Variants in NRXN3 observed in about 807,000 individuals in gnomAD.
NRXN3 encodes the protein neurexin III.
NRXN3 carries 32 observed loss-of-function variants against 137.6 expected under a neutral mutation model. The ratio of observed to expected loss-of-function variants is 0.23; its 90% confidence interval spans 0.18 to 0.31. The LOEUF (loss-of-function observed/expected upper bound fraction) is 0.31, where lower values mean the gene tolerates loss of function less well. NRXN3 is among the 10% of genes least tolerant of loss of function. NRXN3 has a pLI of 1.00. For synonymous variants in NRXN3, 798 were observed against 784.5 expected, an observed-to-expected ratio of 1.02 and a Z score of -0.29; for missense variants, 1,574 against 2,062.5, an observed-to-expected ratio of 0.76 and a Z score of 4.59.
At chr14:79,343,883 C>T (rs1196967363) in intron 15 of NRXN3, among the ~76,000 whole-genome samples, 1 of 152,110 alleles carries the variant, frequency 6.6e-6, no homozygotes, top group East Asian at 1.9e-4. Context: ...AAGCAATCCT[C>T]CTGCCTCGGC....
intron 4 of NRXN3, among the ~76,000 whole-genome samples, chr14:78,433,570 G>T (rs1347746209): frequency 1.3e-5 from 2 of 152,134 alleles, no homozygotes; most frequent in Non-Finnish European, 1.5e-5. Context: ...GAATGGATTT[G>T]TGTCATTATC....
intron 10 of NRXN3, among the ~76,000 whole-genome samples, chr14:78,897,586 A>G (rs1457863478): frequency 6.6e-6 from 1 of 151,882 alleles, no homozygotes; most frequent in Non-Finnish European, 1.5e-5. Flanking sequence ...CAGGATCTTG[A>G]TGGACTCTGG....
intron 15 of NRXN3, among the ~76,000 whole-genome samples, chr14:79,094,422 G>A (rs2049846889): frequency 6.6e-6 from 1 of 152,142 alleles, no homozygotes; most frequent in South Asian, 2.1e-4. Flanking sequence ...CATTTTTAAA[G>A]CAACCCTTTG....
At chr14:78,540,990 G>A (rs1362278376) in intron 4 of NRXN3, among the ~76,000 whole-genome samples, 1 of 152,202 alleles carries the variant, frequency 6.6e-6, no homozygotes, top group Non-Finnish European at 1.5e-5. Context: ...GAGATCTGCT[G>A]TTACTCTCAT....
chr14:79,031,131 C>A (rs1460005297), intron 15 of NRXN3, among the ~76,000 whole-genome samples: 1 of 152,050 alleles, frequency 6.6e-6, no homozygotes, highest in Admixed American at 6.6e-5. Flanking sequence ...GTAATGGAAA[C>A]CTTTTACTTC....
intron 4 of NRXN3, among the ~76,000 whole-genome samples, chr14:78,561,212 T>C (rs1197011979): frequency 1.3e-5 from 2 of 152,138 alleles, no homozygotes; most frequent in Non-Finnish European, 2.9e-5. Context: ...AGAAATAAAT[T>C]GTCTCTTAAA....
intron 16 of NRXN3, among the ~76,000 whole-genome samples, chr14:79,551,722 G>A (rs994889215): frequency 3.2e-4 from 49 of 152,268 alleles, no homozygotes; most frequent in Admixed American, 2.9e-3. Flanking sequence ...ACTGAAATGC[G>A]CAGAGGGGAG....
At chr14:78,552,816 A>G (rs1743782955) in intron 4 of NRXN3, among the ~76,000 whole-genome samples, 1 of 152,222 alleles carries the variant, frequency 6.6e-6, no homozygotes, top group Non-Finnish European at 1.5e-5. Context: ...AGCCTATAAT[A>G]ATCTATTGTA....
At chr14:79,860,129 T>C (rs182415628) in intron 20 of NRXN3, among the ~76,000 whole-genome samples, 23 of 152,318 alleles carry the variant, frequency 1.5e-4, no homozygotes, top group Non-Finnish European at 2.5e-4. Context: ...CAACTTAGTC[T>C]GTATGATTCT....
intron 1 of NRXN3, among the ~76,000 whole-genome samples, chr14:78,189,336 C>G (rs1349013117): frequency 6.6e-6 from 1 of 152,150 alleles, no homozygotes; most frequent in Non-Finnish European, 1.5e-5. Context: ...ATAAGTAGGT[C>G]AGATCATGTT....
chr14:78,918,763 CTA>C (rs1432660747), intron 10 of NRXN3, among the ~76,000 whole-genome samples: 1 of 152,096 alleles, frequency 6.6e-6, no homozygotes, highest in African/African-American at 2.4e-5. Context: ...CAAATATTTA[CTA>C]TTGTGTAACA....
chr14:79,700,154 C>A (rs940081766), intron 19 of NRXN3, among the ~76,000 whole-genome samples: 1 of 151,980 alleles, frequency 6.6e-6, no homozygotes, highest in African/African-American at 2.4e-5. Context: ...GGGGACCCAA[C>A]AACTATTGGA....
At chr14:79,752,711 G>C (rs974536417) in intron 19 of NRXN3, among the ~76,000 whole-genome samples, 3 of 152,002 alleles carry the variant, frequency 2.0e-5, no homozygotes, top group Non-Finnish European at 4.4e-5. Context: ...AGCCAAAATT[G>C]ACAAATGGGA....
At chr14:79,466,992 G>A (rs557784140) in intron 15 of NRXN3, among the ~76,000 whole-genome samples, 2 of 152,304 alleles carry the variant, frequency 1.3e-5, no homozygotes, top group South Asian at 2.1e-4. Flanking sequence ...TGTTAAGAAC[G>A]ACTCTTACCA....
Position 79,157,943 on chromosome 14 carries a change from G to C in NRXN3, c.3262+169802G>C, listed in dbSNP as rs116174754. Among the ~76,000 whole-genome samples, 261 of 151,820 alleles carry C rather than the reference G, an allele frequency of 1.7e-3. 2 individuals carry two copies. Among genetic ancestry groups the C allele is most frequent in the African/African-American group, 5.9e-3 (246 of 41,476 alleles). ...TTTGAAAATTGACTGTTTGCATATT[G>C]TTTTTTTCTGAAATGCCGCTATGCA... On this transcript the variant is annotated intron_variant, in intron 15 of 20. Transcript: ENST00000335750.
intron 16 of NRXN3, among the ~76,000 whole-genome samples, chr14:79,492,192 A>G (rs947812957): frequency 2.6e-5 from 4 of 152,240 alleles, no homozygotes; most frequent in Non-Finnish European, 4.4e-5. Flanking sequence ...ATTAATTAAA[A>G]TTGAAGTTTA....
chr14:79,830,911 C>T (rs2099321309), intron 20 of NRXN3, among the ~76,000 whole-genome samples: 1 of 152,122 alleles, frequency 6.6e-6, no homozygotes, highest in Non-Finnish European at 1.5e-5. Context: ...TCCTCCCTCT[C>T]ATTCTCTTCA....
chr14:79,754,503 GATATATATATATATAT>G (rs57962525), intron 19 of NRXN3, among the ~76,000 whole-genome samples: 3,886 of 43,788 alleles, frequency 0.089, 368 homozygotes, highest in Middle Eastern at 0.15. Flanking sequence ...ACTCTCTCTT[GATATATATATATATAT>G]ATATATATAT....
intron 10 of NRXN3, among the ~76,000 whole-genome samples, chr14:78,915,435 A>T (rs2099252799): frequency 6.6e-6 from 1 of 151,476 alleles, no homozygotes; most frequent in Non-Finnish European, 1.5e-5. Flanking sequence ...AGAGAAGTCA[A>T]AGAAATAGTA....
Sources: gnomAD v4.1 joint callset for allele counts (sites outside exome capture counted in the v4.1 genomes callset) on GRCh38, gnomAD v4.1.1 for gene constraint, MANE v1.5 for transcripts, NCBI Gene and HGNC (gene_info 2026-07-23, HGNC 2026-07-21) for gene names.